GOLIM4: variants seen among roughly 807,000 people sequenced by gnomAD.
GOLIM4 encodes golgi integral membrane protein 4.
In GOLIM4, 71 loss-of-function variants were observed where a neutral mutation model predicts 107.4. The ratio of observed to expected loss-of-function variants is 0.66; its 90% confidence interval spans 0.55 to 0.81. GOLIM4 has a LOEUF of 0.81. GOLIM4 is among the 30% of genes least tolerant of loss of function. GOLIM4 has a pLI of 0.00. For synonymous variants in GOLIM4, 327 were observed against 294.8 expected, an observed-to-expected ratio of 1.11 and a Z score of -1.12; for missense variants, 830 against 826.1, an observed-to-expected ratio of 1.00 and a Z score of -0.06.
At chr3:168,032,971 T>C in intron 8 of GOLIM4, 119 bp from the exon 9 acceptor site, 1 of 743,720 alleles carries the variant, frequency 1.3e-6, no homozygotes, top group Non-Finnish European at 2.2e-6. Flanking sequence ...TCTAGAAATA[T>C]ATATAGTCCT....
intron 1 of GOLIM4, among the ~76,000 whole-genome samples, chr3:168,069,953 T>C (rs1720752430): frequency 6.6e-6 from 1 of 152,030 alleles, no homozygotes; most frequent in African/African-American, 2.4e-5. Flanking sequence ...TAATTCACCA[T>C]TAGTAAGGTA....
chr3:168,082,424 T>C (rs1025830322), intron 1 of GOLIM4, among the ~76,000 whole-genome samples: 3 of 151,812 alleles, frequency 2.0e-5, no homozygotes, highest in Non-Finnish European at 2.9e-5. Context: ...CATCTTAGAG[T>C]CTCCCTATAA....
chr3:168,032,598 C>T lies in GOLIM4; in HGVS notation c.1098G>A (p.Glu366=). ...HLEEEHDPSP[E]EQDREWKEQH... is the part of the protein sequence containing the mutation. ...GCTCTTTCCACTCCCGATCCTGCTC[C>T]TCTGGTGATGGATCGTGTTCCTCCT... The change falls in exon 9 of 16, where the codon GAG becomes GAA. Residue 366 remains glutamate, a synonymous_variant. Transcript: ENST00000470487. The T allele has an allele frequency of 6.2e-7, 1 of 1,614,096 alleles. No homozygotes were observed. Among genetic ancestry groups the T allele is most frequent in the Non-Finnish European group, 8.5e-7 (1 of 1,180,020 alleles).
At chr3:168,017,868 T>C (rs1577503445) in intron 14 of GOLIM4, among the ~76,000 whole-genome samples, 1 of 152,344 alleles carries the variant, frequency 6.6e-6, no homozygotes, top group Non-Finnish European at 1.5e-5. Context: ...CTGTTTTAAG[T>C]AGTTTTCATT....
At chr3:168,058,795 A>G (rs905189337) in intron 1 of GOLIM4, among the ~76,000 whole-genome samples, 1 of 152,330 alleles carries the variant, frequency 6.6e-6, no homozygotes, top group South Asian at 2.1e-4. Context: ...AAAGACATGT[A>G]TAAGTGTATA....
intron 1 of GOLIM4, among the ~76,000 whole-genome samples, chr3:168,051,356 CACACTAAATGGAA>C (rs1719635447): frequency 6.6e-6 from 1 of 152,130 alleles, no homozygotes; most frequent in African/African-American, 2.4e-5. Flanking sequence ...TTGACAGTTC[CACACTAAATGGAA>C]ATTTACATAT....
chr3:168,020,188 T>C (rs1367239999), intron 14 of GOLIM4, among the ~76,000 whole-genome samples: 1 of 152,176 alleles, frequency 6.6e-6, no homozygotes, highest in Non-Finnish European at 1.5e-5. Flanking sequence ...TGTAAAATAA[T>C]AGCATTGGGT....
At chr3:168,030,903 T>C (rs1314148237) in intron 9 of GOLIM4, among the ~76,000 whole-genome samples, 2 of 152,190 alleles carry the variant, frequency 1.3e-5, no homozygotes, top group African/African-American at 4.8e-5. Flanking sequence ...GAAGAGATAC[T>C]TGCACTCTCA....
Position 168,095,265 on chromosome 3 carries a change from G to A in GOLIM4, c.21C>T (p.Ser7=), listed in dbSNP as rs759924006. The change falls in exon 1 of 16, where the codon TCC becomes TCT. Residue 7 remains serine (S), a synonymous_variant. Transcript: ENST00000470487. MGNGMC[S]RKQKRIFQTL... ...TCTGGAAAATCCGCTTCTGCTTTCG[G>A]GAGCACATCCCGTTTCCCATAGTCC... The A allele has an allele frequency of 6.2e-7, 1 of 1,613,042 alleles. No individual in the cohort carries two copies. Among genetic ancestry groups the A allele is most frequent in the Non-Finnish European group, 8.5e-7 (1 of 1,179,932 alleles).
chr3:168,035,010 C>T (rs771355533), intron 8 of GOLIM4, among the ~76,000 whole-genome samples: 1 of 128,820 alleles, frequency 7.8e-6, no homozygotes, highest in Admixed American at 8.4e-5. Context: ...CGGACTAACA[C>T]AAACATATAT....
intron 9 of GOLIM4, among the ~76,000 whole-genome samples, chr3:168,030,891 T>C (rs1389020010): frequency 2.4e-4 from 36 of 152,216 alleles, no homozygotes; most frequent in Admixed American, 2.3e-3. Flanking sequence ...AATTGCTATA[T>C]TGAAGAGATA....
At chr3:168,066,037 A>C (rs982186006) in intron 1 of GOLIM4, among the ~76,000 whole-genome samples, 1 of 152,212 alleles carries the variant, frequency 6.6e-6, no homozygotes, top group African/African-American at 2.4e-5. Context: ...CTTAGAACAT[A>C]ATAGTGATGT....
intron 1 of GOLIM4, among the ~76,000 whole-genome samples, chr3:168,062,864 T>A (rs1023101938): frequency 2.0e-5 from 3 of 152,254 alleles, no homozygotes; most frequent in African/African-American, 7.2e-5. Flanking sequence ...GGTGCCGGTA[T>A]TTCCGGCTTA....
At chr3:168,041,117 C>A in intron 6 of GOLIM4, 1 of 503,778 alleles carries the variant, frequency 2.0e-6, no homozygotes, top group Non-Finnish European at 3.5e-6. Context: ...AAACAAATTT[C>A]TCATTATTAG....
At chr3:168,062,655 G>T in intron 1 of GOLIM4, among the ~76,000 whole-genome samples, 1 of 152,152 alleles carries the variant, frequency 6.6e-6, no homozygotes, top group South Asian at 2.1e-4. Context: ...CAGAGGCTTT[G>T]CATTGACTCC....
chr3:168,091,254 T>C (rs1358877563), intron 1 of GOLIM4, among the ~76,000 whole-genome samples: 1 of 152,204 alleles, frequency 6.6e-6, no homozygotes, highest in Non-Finnish European at 1.5e-5. Context: ...TTCTGGATGG[T>C]TTCTCCTTAT....
chr3:168,081,498 A>G lies in GOLIM4; in HGVS notation c.187+13601T>C, dbSNP rs146441444. On this transcript the variant is annotated intron_variant, in intron 1 of 15. Transcript: ENST00000470487. ...GGTAGAGTGCCCTCAGAGGTGGCAA[A>G]GTCAGAAACTCAGTTTTGTAAGTCC... Among the ~76,000 whole-genome samples the G allele has an allele frequency of 7.4e-4, 113 of 152,300 alleles. No homozygotes were observed. The East Asian group carries it at 0.021, about 29-fold the overall frequency.
chr3:168,019,348 G>A (rs1717553327), intron 14 of GOLIM4, among the ~76,000 whole-genome samples: 1 of 152,118 alleles, frequency 6.6e-6, no homozygotes, highest in Admixed American at 6.5e-5. Context: ...TTCAAGATAT[G>A]TAATTTTACC....
intron 14 of GOLIM4, among the ~76,000 whole-genome samples, chr3:168,013,577 C>T (rs1372553000): frequency 6.9e-6 from 1 of 145,226 alleles, no homozygotes; most frequent in Non-Finnish European, 1.5e-5. Flanking sequence ...CCCAAATCAA[C>T]AGAATATACA....
Sources: gnomAD v4.1 joint callset for allele counts (sites outside exome capture counted in the v4.1 genomes callset) on GRCh38, gnomAD v4.1.1 for gene constraint, MANE v1.5 for transcripts, NCBI Gene and HGNC (gene_info 2026-07-23, HGNC 2026-07-21) for gene names.